SMIM36: variants seen among roughly 807,000 people sequenced by gnomAD.
SMIM36 encodes the protein small integral membrane protein 36.
At chr17:55,520,864 C>T in the SMIM36 span, among the ~76,000 whole-genome samples, 3,429 of 152,290 alleles carry the variant, frequency 0.023, 60 homozygotes, top group South Asian at 0.052. Flanking sequence ...GGTGCTGTGG[C>T]TCACACCTGT....
At chr17:55,480,901 T>C (rs532660977) in intron 1 of SMIM36, among the ~76,000 whole-genome samples, 9 of 152,318 alleles carry the variant, frequency 5.9e-5, no homozygotes, top group African/African-American at 2.2e-4. Context: ...TTTTTCTATG[T>C]TTCTCAATTT....
chr17:55,462,398 G>C (rs895571182), intron 4 of SMIM36, among the ~76,000 whole-genome samples: 1 of 152,048 alleles, frequency 6.6e-6, no homozygotes. Context: ...ATCATTTGAG[G>C]CCAGGAATTC....
At chr17:55,457,187 T>C (rs113452278) in intron 4 of SMIM36, among the ~76,000 whole-genome samples, 5,368 of 152,180 alleles carry the variant, frequency 0.035, 276 homozygotes, top group African/African-American at 0.11. Context: ...TGGTGGCTCA[T>C]GCCTGTGATC....
At chr17:55,527,825 T>G in the SMIM36 span, 1 of 152,306 alleles carries the variant, frequency 6.6e-6, no homozygotes, top group Non-Finnish European at 1.5e-5. Context: ...TCAACTTAGG[T>G]TTGAACACCT....
At chr17:55,529,609 TAC>T in the SMIM36 span, among the ~76,000 whole-genome samples, 3,947 of 142,200 alleles carry the variant, frequency 0.028, 102 homozygotes, top group East Asian at 0.14. Flanking sequence ...CTACTAAAAA[TAC>T]ACACACACAC....
exon 3 of SMIM36, chr17:55,478,802 C>T (rs1425694177): frequency 6.6e-6 from 1 of 151,956 alleles, no homozygotes; most frequent in African/African-American, 2.4e-5. Flanking sequence ...CTTTGTGGAG[C>T]TCCTCAGACA....
intron 4 of SMIM36, among the ~76,000 whole-genome samples, chr17:55,464,843 TC>T (rs1909207927): frequency 6.6e-6 from 1 of 152,224 alleles, no homozygotes; most frequent in African/African-American, 2.4e-5. Flanking sequence ...TTTCATTCGC[TC>T]CTTTGAGAGC....
At chr17:55,501,424 T>TATATA (rs1909971615) in intron 1 of SMIM36, among the ~76,000 whole-genome samples, 2 of 69,048 alleles carry the variant, frequency 2.9e-5, no homozygotes, top group Non-Finnish European at 4.7e-5. Context: ...TAAAATATAA[T>TATATA]ATATTATTAT....
intron 4 of SMIM36, among the ~76,000 whole-genome samples, chr17:55,460,195 C>T (rs907597413): frequency 6.6e-5 from 10 of 151,828 alleles, no homozygotes; most frequent in Non-Finnish European, 1.2e-4. Flanking sequence ...TTTGGGAGGC[C>T]GAGGCAGGTG....
At chr17:55,495,509 A>G (rs1455283362) in intron 1 of SMIM36, among the ~76,000 whole-genome samples, 1 of 152,160 alleles carries the variant, frequency 6.6e-6, no homozygotes, top group Non-Finnish European at 1.5e-5. Flanking sequence ...CCAATAATAG[A>G]CTGGGCGTGG....
At chr17:55,517,020 C>A in the SMIM36 span, among the ~76,000 whole-genome samples, 2 of 152,150 alleles carry the variant, frequency 1.3e-5, no homozygotes, top group Non-Finnish European at 2.9e-5. Context: ...CACTCCAAGG[C>A]AGAAAGGGTT....
At chr17:55,462,227 ATACT>A (rs1285739180) in intron 4 of SMIM36, among the ~76,000 whole-genome samples, 1 of 152,200 alleles carries the variant, frequency 6.6e-6, no homozygotes, top group Non-Finnish European at 1.5e-5. Context: ...ATACTTATTA[ATACT>A]TAATAAGAAG....
chr17:55,458,006 G>C (rs1287154204), intron 4 of SMIM36, among the ~76,000 whole-genome samples: 2 of 152,078 alleles, frequency 1.3e-5, no homozygotes, highest in Non-Finnish European at 2.9e-5. Flanking sequence ...GCGAGTATGT[G>C]CTCTCCGCTT....
At chr17:55,489,818 G>T (rs1033131571) in intron 1 of SMIM36, among the ~76,000 whole-genome samples, 3 of 151,920 alleles carry the variant, frequency 2.0e-5, no homozygotes, top group Non-Finnish European at 4.4e-5. Flanking sequence ...CATATCAAGT[G>T]AACACTGAAT....
upstream of SMIM36, among the ~76,000 whole-genome samples, chr17:55,515,362 G>C (rs1171785108): frequency 6.6e-6 from 1 of 152,096 alleles, no homozygotes; most frequent in East Asian, 1.9e-4. Context: ...AGCCTCTGGA[G>C]AAATACTGCC....
chr17:55,453,025 C>T (rs771327962), intron 4 of SMIM36, among the ~76,000 whole-genome samples: 1 of 152,162 alleles, frequency 6.6e-6, no homozygotes. Flanking sequence ...TGTGAGACCA[C>T]GGGCTGGGTG....
chr17:55,476,856 C>T (rs1053021382), intron 3 of SMIM36, among the ~76,000 whole-genome samples: 1 of 152,198 alleles, frequency 6.6e-6, no homozygotes, highest in Admixed American at 6.5e-5. Context: ...TGTGAGCCAC[C>T]ATGCCCGGCC....
At chr17:55,450,909 CG>C (rs1908901512) in intron 4 of SMIM36, among the ~76,000 whole-genome samples, 1 of 151,830 alleles carries the variant, frequency 6.6e-6, no homozygotes, top group African/African-American at 2.4e-5. Context: ...TTTTTTGAGA[CG>C]GAGTCTCGCT....
intron 1 of SMIM36, among the ~76,000 whole-genome samples, chr17:55,498,420 G>A (rs766231380): frequency 5.9e-5 from 9 of 152,032 alleles, no homozygotes; most frequent in Non-Finnish European, 1.3e-4. Flanking sequence ...CCCCATAAAT[G>A]TGTCTAAACT....
Sources: allele counts gnomAD v4.1 joint callset (sites outside exome capture counted in the v4.1 genomes callset), GRCh38; gene constraint gnomAD v4.1.1; transcripts MANE v1.5; gene names NCBI Gene and HGNC (gene_info 2026-07-23, HGNC 2026-07-21).